The following LOC128092252 variants were observed in gnomAD, a reference collection of about 807,000 sequenced individuals.
chr15:50,652,666 G>A, the LOC128092252 span, among the ~76,000 whole-genome samples: 1 of 151,702 alleles, frequency 6.6e-6, no homozygotes, highest in Non-Finnish European at 1.5e-5. Context: ...GTTTAAGTGG[G>A]TACATTTCCC....
At chr15:50,672,220 A>G in the LOC128092252 span, among the ~76,000 whole-genome samples, 2 of 151,902 alleles carry the variant, frequency 1.3e-5, no homozygotes, top group East Asian at 3.9e-4. Context: ...CACCCAGCTA[A>G]TTTTTTGTAT....
chr15:50,654,392 A>G, the LOC128092252 span, among the ~76,000 whole-genome samples: 3 of 151,502 alleles, frequency 2.0e-5, no homozygotes, highest in Admixed American at 2.0e-4. Context: ...GGGTGCAGTG[A>G]GCTGAGATTG....
At chr15:50,684,016 C>T in the LOC128092252 span, among the ~76,000 whole-genome samples, 1 of 151,876 alleles carries the variant, frequency 6.6e-6, no homozygotes, top group African/African-American at 2.4e-5. Context: ...CCCATCACGA[C>T]GCCCTGCTAA....
At chr15:50,683,546 C>G in the LOC128092252 span, among the ~76,000 whole-genome samples, 1 of 151,940 alleles carries the variant, frequency 6.6e-6, no homozygotes, top group African/African-American at 2.4e-5. Flanking sequence ...ACCAGCCTGG[C>G]CAACATGGCA....
the LOC128092252 span, among the ~76,000 whole-genome samples, chr15:50,666,595 G>T: frequency 6.6e-6 from 1 of 152,130 alleles, no homozygotes; most frequent in Non-Finnish European, 1.5e-5. Context: ...CCTGACGTTG[G>T]GAGTTCGAGA....
the LOC128092252 span, among the ~76,000 whole-genome samples, chr15:50,670,500 A>T: frequency 3.3e-5 from 5 of 152,142 alleles, no homozygotes; most frequent in African/African-American, 1.2e-4. Flanking sequence ...TTATATGCTA[A>T]TTATAATGTA....
At chr15:50,678,114 G>A in the LOC128092252 span, among the ~76,000 whole-genome samples, 1 of 151,450 alleles carries the variant, frequency 6.6e-6, no homozygotes, top group Non-Finnish European at 1.5e-5. Context: ...GGTGGTGGGC[G>A]CCTGTAGTCC....
At chr15:50,681,477 CTAATTA>C in the LOC128092252 span, among the ~76,000 whole-genome samples, 1 of 152,140 alleles carries the variant, frequency 6.6e-6, no homozygotes, top group Non-Finnish European at 1.5e-5. Flanking sequence ...TCTTTCTAGT[CTAATTA>C]TGTTTCTCCA....
the LOC128092252 span, among the ~76,000 whole-genome samples, chr15:50,655,723 C>T: frequency 2.0e-5 from 3 of 151,776 alleles, no homozygotes; most frequent in Non-Finnish European, 4.4e-5. Context: ...ATGGGCTGGG[C>T]GCAACAGCTC....
the LOC128092252 span, among the ~76,000 whole-genome samples, chr15:50,678,609 C>A: frequency 1.3e-5 from 2 of 150,732 alleles, no homozygotes; most frequent in South Asian, 4.2e-4. Flanking sequence ...AAACTGGCTG[C>A]CAACTACTCA....
chr15:50,658,852 A>G, the LOC128092252 span, among the ~76,000 whole-genome samples: 1 of 152,202 alleles, frequency 6.6e-6, no homozygotes, highest in Non-Finnish European at 1.5e-5. Flanking sequence ...TCAATAAGAG[A>G]TTACTAAAAC....
the LOC128092252 span, among the ~76,000 whole-genome samples, chr15:50,654,894 G>A: frequency 6.7e-6 from 1 of 149,596 alleles, no homozygotes. Context: ...CCAGCTACTC[G>A]GGAGGCTGAG....
chr15:50,670,841 G>C, the LOC128092252 span, among the ~76,000 whole-genome samples: 1 of 144,486 alleles, frequency 6.9e-6, no homozygotes. Context: ...AAAATAATAA[G>C]AGGATACTAT....
the LOC128092252 span, among the ~76,000 whole-genome samples, chr15:50,686,111 G>A: frequency 1.5e-4 from 23 of 152,264 alleles, no homozygotes; most frequent in South Asian, 4.6e-3. Context: ...TAAAACTTGA[G>A]CAGAGCATTT....
chr15:50,679,514 ATATATATAT>A, the LOC128092252 span, among the ~76,000 whole-genome samples: 28 of 89,554 alleles, frequency 3.1e-4, no homozygotes, highest in African/African-American at 4.2e-4. Flanking sequence ...TATATATAAT[ATATATATAT>A]ATATATATAT....
At chr15:50,678,324 G>A in the LOC128092252 span, among the ~76,000 whole-genome samples, 23 of 150,440 alleles carry the variant, frequency 1.5e-4, 1 homozygote, top group African/African-American at 5.4e-4. Context: ...ATTTGTACAT[G>A]GGTCAACATG....
the LOC128092252 span, among the ~76,000 whole-genome samples, chr15:50,675,750 A>C: frequency 6.6e-6 from 1 of 152,224 alleles, no homozygotes; most frequent in Non-Finnish European, 1.5e-5. Context: ...CTACAAACAC[A>C]AATCTGAAAA....
the LOC128092252 span, chr15:50,686,559 G>A: frequency 1.2e-6 from 2 of 1,609,494 alleles, no homozygotes; most frequent in Admixed American, 1.7e-5. Context: ...GACTCCGGAA[G>A]GGCAGCAACT....
chr15:50,658,005 ATT>A, the LOC128092252 span, among the ~76,000 whole-genome samples: 10 of 139,254 alleles, frequency 7.2e-5, no homozygotes, highest in African/African-American at 5.2e-5. Context: ...GACAGTCTCA[ATT>A]TTTTTTTTTT....
Sources: allele counts gnomAD v4.1 joint callset (sites outside exome capture counted in the v4.1 genomes callset), GRCh38; gene constraint gnomAD v4.1.1; transcripts MANE v1.5.